GRM4: variants seen among roughly 807,000 people sequenced by gnomAD.
GRM4 encodes glutamate metabotropic receptor 4.
In GRM4, 28 loss-of-function variants were observed where a neutral mutation model predicts 81.7. The ratio of observed to expected loss-of-function variants is 0.34; its 90% CI spans 0.25 to 0.47. GRM4 has a LOEUF of 0.47. GRM4 is among the 20% of genes least tolerant of loss of function. The pLI, the probability that GRM4 is intolerant of heterozygous loss-of-function variation, is 1.00. For synonymous variants in GRM4, 488 were observed against 528.8 expected (o/e 0.92, Z 1.06); for missense variants, 948 against 1,290.0 (o/e 0.73, Z 4.06).
intron 6 of GRM4, chr6:34,055,040 C>CTCT (rs1231325157): frequency 1.3e-5 from 2 of 152,228 alleles, no homozygotes; most frequent in African/African-American, 4.8e-5. Flanking sequence ...CACTTGGTCT[C>CTCT]TCTGACTCTC....
At chr6:34,062,931 G>A (rs1766260156) in intron 3 of GRM4, 1 of 152,212 alleles carries the variant, frequency 6.6e-6, no homozygotes. Context: ...TGAGGAAACT[G>A]AAGCTCAGAG....
rs953393301 is a variant in GRM4, at chr6:34,152,236, G to A, written c.312+2843C>T. On this transcript the variant is annotated intron_variant, in intron 1 of 8. Transcript: ENST00000374177. The surrounding 1 kb of genome is among the most constrained non-coding windows in gnomAD (Gnocchi z 4.1). Reference sequence around the variant, plus strand: ...TGACAAGACAGAGAGCTGGACGTAGGCCCCGGGACCTCCCACCGGCAGAGC... The same window carrying A: ...TGACAAGACAGAGAGCTGGACGTAGACCCCGGGACCTCCCACCGGCAGAGC... Among the ~76,000 whole-genome samples the A allele has an allele frequency of 3.3e-5, 5 of 152,148 alleles. No homozygotes were observed. The highest frequency in any genetic ancestry group is 1.2e-4 in the African/African-American group (5 of 41,432).
At chr6:34,040,150 T>G in intron 8 of GRM4, 28 bp downstream of exon 8, 1 of 1,609,288 alleles carries the variant, frequency 6.2e-7, no homozygotes, top group Non-Finnish European at 8.5e-7. Flanking sequence ...TGAGTCACTC[T>G]CCACCCACTC....
intron 2 of GRM4, among the ~76,000 whole-genome samples, chr6:34,104,093 C>A (rs943691624): frequency 6.6e-6 from 1 of 152,270 alleles, no homozygotes; most frequent in South Asian, 2.1e-4. Context: ...CCCAGGCCCA[C>A]CCAATGGCAA....
intron 2 of GRM4, among the ~76,000 whole-genome samples, chr6:34,126,860 G>A (rs73415062): frequency 0.071 from 10,739 of 152,274 alleles, 844 homozygotes; most frequent in African/African-American, 0.19. Flanking sequence ...AGAGCCTAGC[G>A]GGGGCCAGCT....
Position 34,036,641 on chromosome 6 carries a change from T to C in GRM4, c.1507-38A>G, listed in dbSNP as rs1313997348. On this transcript the variant is annotated intron_variant, in intron 8 of 10. Transcript: ENST00000538487. This position sits in a 1 kb window ranked among gnomAD's most constrained non-coding sequence, Gnocchi z 9.0. The stretch of plus-strand genomic sequence containing the variant: ...GCACCGTAAAGCAGGCCTCAGAACA[T>C]GCCACCCGGTGCCCCGGACCATCCT... 2 of 1,143,536 alleles carry C rather than the reference T, an allele frequency of 1.7e-6. No individual in the cohort carries two copies. Among genetic ancestry groups the C allele is most frequent in the African/African-American group, 3.0e-5 (2 of 65,742 alleles). 70.8% of individuals were successfully genotyped at this position (1,143,536 alleles called of 1,614,324 possible).
At chr6:34,029,398 A>G (rs1476187587) in intron 9 of GRM4, among the ~76,000 whole-genome samples, 2 of 152,126 alleles carry the variant, frequency 1.3e-5, no homozygotes, top group African/African-American at 4.8e-5. Context: ...ACAGGTCTGG[A>G]CTTGTTTCCT....
intron 1 of GRM4, among the ~76,000 whole-genome samples, chr6:34,151,258 C>T (rs1771038703): frequency 6.6e-6 from 1 of 152,198 alleles, no homozygotes; most frequent in South Asian, 2.1e-4. Flanking sequence ...TATTGTCCAA[C>T]AAATTGTTAA....
At chr6:34,091,122 AG>A (rs1015095526) in intron 3 of GRM4, among the ~76,000 whole-genome samples, 10 of 152,198 alleles carry the variant, frequency 6.6e-5, no homozygotes, top group African/African-American at 2.4e-4. Context: ...CCATGCAGCC[AG>A]CCCTCTCAGG....
chr6:34,044,791 C>A (rs1202211448), intron 6 of GRM4, among the ~76,000 whole-genome samples: 1 of 147,648 alleles, frequency 6.8e-6, no homozygotes, highest in African/African-American at 2.6e-5. Flanking sequence ...CACACACAGA[C>A]ATACATACAT....
chr6:34,101,999 G>A (rs1217182541), intron 2 of GRM4: 5 of 1,535,268 alleles, frequency 3.3e-6, no homozygotes, highest in Non-Finnish European at 2.6e-6. Flanking sequence ...GGCCAGGTCA[G>A]GGCCTCTCAC....
chr6:34,120,093 G>A (rs1166105807), intron 2 of GRM4, among the ~76,000 whole-genome samples: 6 of 152,280 alleles, frequency 3.9e-5, no homozygotes, highest in South Asian at 2.1e-4. Flanking sequence ...CAGTAATACC[G>A]TAACTTAGAA....
At chr6:34,058,248 C>T (rs531377618) in intron 5 of GRM4, among the ~76,000 whole-genome samples, 2 of 152,056 alleles carry the variant, frequency 1.3e-5, no homozygotes, top group Non-Finnish European at 2.9e-5. Context: ...GGCTAGAAGG[C>T]GCCATGGGCC....
In GRM4 at chr6:34,091,979, G is replaced by A. The variant is rs1355135630; in HGVS notation, c.640C>T (p.Arg214Cys). Residue 214 changes from arginine to cysteine, a missense_variant, in exon 3 of 11, where the codon CGT becomes TGT. Coordinates refer to ENST00000538487, the MANE Select transcript of GRM4 (RefSeq NM_000841.4). ...YQAQAMVDIV[R>C]ALKWNYVSTV... is the part of the protein sequence containing the mutation. ...GACACATAGTTCCACTTGAGGGCAC[G>A]GACGATGTCCACCATGGCCTGGGCC... The A allele has an allele frequency of 4.3e-6, 7 of 1,613,984 alleles. No individual in the cohort carries two copies. Among genetic ancestry groups the A allele is most frequent in the Non-Finnish European group, 5.9e-6 (7 of 1,179,938 alleles).
rs1455316797 is a variant in GRM4, at chr6:34,090,269, C to A, written c.736+1614G>T. ...CCTTGATCCCTTCCCCCATCCTATA[C>A]CTTTGCCCCTAAATCCTGCAGAGGT... On this transcript the variant is annotated intron_variant, in intron 3 of 10. Transcript: ENST00000538487. The surrounding 1 kb of genome is among the most constrained non-coding windows in gnomAD (Gnocchi z 5.2). Among the ~76,000 whole-genome samples the A allele has an allele frequency of 6.6e-6, 1 of 152,178 alleles. No individual in the cohort carries two copies. The highest frequency in any genetic ancestry group is 1.5e-5 in the Non-Finnish European group (1 of 68,026).
chr6:34,102,229 C>G, intron 2 of GRM4: 2 of 1,344,214 alleles, frequency 1.5e-6, no homozygotes, highest in Non-Finnish European at 2.0e-6. Flanking sequence ...CCTTTGGGAG[C>G]CCCTGCCAAG....
chr6:34,154,511 C>T (rs1245280431), intron 1 of GRM4, among the ~76,000 whole-genome samples: 1 of 151,834 alleles, frequency 6.6e-6, no homozygotes, highest in Admixed American at 6.6e-5. Flanking sequence ...GGTTTACAGT[C>T]CTTGGGCAAC....
chr6:34,073,293 C>CAT (rs1767113383), intron 3 of GRM4, among the ~76,000 whole-genome samples: 2 of 52,602 alleles, frequency 3.8e-5, no homozygotes, highest in Non-Finnish European at 7.7e-5. Context: ...ACCACACACA[C>CAT]ATCCACACAT....
chr6:34,075,829 G>A (rs1767283193), intron 3 of GRM4, among the ~76,000 whole-genome samples: 1 of 152,200 alleles, frequency 6.6e-6, no homozygotes, highest in Non-Finnish European at 1.5e-5. Flanking sequence ...CGCTTCAAGG[G>A]CAGACTGTGT....
Sources: allele counts gnomAD v4.1 joint callset (sites outside exome capture counted in the v4.1 genomes callset), GRCh38; gene constraint gnomAD v4.1.1; non-coding constraint Gnocchi (gnomAD v3.1); transcripts MANE v1.5; gene names NCBI Gene and HGNC (gene_info 2026-07-23, HGNC 2026-07-21).